The following EVI2A variants were observed in gnomAD, a reference collection of about 807,000 sequenced individuals.
The protein encoded by EVI2A is ecotropic viral integration site 2A, also known as protein EVI2A.
EVI2A carries 11 observed loss-of-function variants against 13.0 expected under a neutral mutation model. The ratio of observed to expected loss-of-function variants is 0.85; its 90% CI spans 0.53 to 1.40. The LOEUF is 1.40. Among genes scored for constraint, EVI2A ranks in the 40% most tolerant of loss-of-function variants. The pLI is 0.00. For synonymous variants in EVI2A, 89 were observed against 98.0 expected (o/e 0.91, Z 0.54); for missense variants, 267 against 279.5 (o/e 0.96, Z 0.32).
Position 31,317,640 on chromosome 17 carries a change from T to C in EVI2A, c.*663A>G, listed in dbSNP as rs1348818814. The C allele has an allele frequency of 1.3e-5, 2 of 152,206 alleles. No homozygotes were observed. Among genetic ancestry groups the C allele is most frequent in the Non-Finnish European group, 2.9e-5 (2 of 68,028 alleles). The allele number at this position is 152,206 out of a possible 1,614,324, so 9.4% of individuals were successfully genotyped here. A position where few individuals can be genotyped will look rare whatever the true frequency, so the allele number is the denominator to read the frequency against. On this transcript the variant is annotated 3_prime_UTR_variant, in exon 2 of 2. Coordinates refer to ENST00000462804, the MANE Select transcript of EVI2A (RefSeq NM_014210.4). The stretch of plus-strand genomic sequence containing the variant: ...CTTTACAATGTGTTCTCTAAAGTAA[T>C]AAAGTGAATGCAAATATACGTGGTC...
At position 31,316,718 on chromosome 17, in the gene EVI2A, G is replaced by A. The variant is rs144240294; in HGVS notation, c.*1585C>T. Among the ~76,000 whole-genome samples, 83 of 152,106 alleles carry A rather than the reference G, an allele frequency of 5.5e-4. No homozygotes were observed. The highest frequency in any genetic ancestry group is 1.8e-3 in the African/African-American group (76 of 41,472). ...TAACCTGATTTCAGTCACCATGACT[G>A]GCATGAATATTCTCATGCTTTCCTT... On this transcript the variant is annotated 3_prime_UTR_variant, in exon 2 of 2. Transcript: ENST00000462804.
In EVI2A at chr17:31,318,130, C is replaced by T; in HGVS notation, c.*173G>A. On this transcript the variant is annotated 3_prime_UTR_variant, in exon 2 of 2. Coordinates refer to ENST00000462804, the MANE Select transcript of EVI2A (RefSeq NM_014210.4). ...TATTCAGTGTCAAAACAAAAGTACA[C>T]AGTTTAAATAATTAAGCAGGCATAC... 1 of 717,152 alleles carries T rather than the reference C, an allele frequency of 1.4e-6. No homozygotes were observed. The highest frequency in any genetic ancestry group is 2.5e-5 in the South Asian group (1 of 40,020). 44.4% of individuals were successfully genotyped at this position (717,152 alleles called of 1,614,324 possible).
At position 31,318,429 on chromosome 17, in the gene EVI2A, A is replaced by G; in HGVS notation, c.585T>C (p.Thr195=). The change falls in exon 2 of 2, where the codon ACT becomes ACC. Residue 195 remains threonine (T), a synonymous_variant. Transcript: ENST00000462804. ...CTGTGAGCTGTTTTGTTCTTTTCCA[A>G]GTGTCTGATTCAGCGGGCCATAGAC... ...ASGLWPAESD[T]WKRTKQLTGP... is the part of the protein sequence containing the mutation. 2 of 1,613,922 alleles carry G rather than the reference A, an allele frequency of 1.2e-6. No individual in the cohort carries two copies. The highest frequency in any genetic ancestry group is 1.7e-6 in the Non-Finnish European group (2 of 1,179,982).
chr17:31,319,882 A>T (rs1891969431), intron 1 of EVI2A, among the ~76,000 whole-genome samples: 1 of 152,108 alleles, frequency 6.6e-6, no homozygotes, highest in Admixed American at 6.6e-5. Context: ...TTGTAAAAAA[A>T]AATGTGTAAT....
At chr17:31,320,449 AG>A (rs1343706165) in intron 1 of EVI2A, 1 of 1,608,996 alleles carries the variant, frequency 6.2e-7, no homozygotes, top group Non-Finnish European at 8.5e-7. Flanking sequence ...ACTGCTAGTC[AG>A]GCTTTTGAAC....
rs762664536 is a variant in EVI2A at position 31,318,470 on chromosome 17, C to T, written c.544G>A (p.Asp182Asn). 6 of 1,614,002 alleles carry T rather than the reference C, an allele frequency of 3.7e-6. No homozygotes were observed. Among genetic ancestry groups the T allele is most frequent in the East Asian group, 2.2e-5 (1 of 44,858 alleles). Residue 182 changes from aspartate (D) to asparagine (N), a missense_variant, in exon 2 of 2, where the codon GAT becomes AAT. By Grantham distance (23) the Asp-to-Asn change is conservative. Coordinates refer to ENST00000462804, the MANE Select transcript of EVI2A (RefSeq NM_014210.4). ...VGKRQPRSNG[D>N]FLASGLWPAE... ...GGCCATAGACCGCTTGCCAGAAAAT[C>T]GCCATTGCTTCTAGGCTGACGCTTG...
At chr17:31,319,724 C>G (rs914651699) in intron 1 of EVI2A, among the ~76,000 whole-genome samples, 4 of 142,214 alleles carry the variant, frequency 2.8e-5, no homozygotes, top group African/African-American at 1.0e-4. Flanking sequence ...AAGGCAAAGG[C>G]ATACCAGTTT....
At position 31,319,941 on chromosome 17, in the gene EVI2A, A is replaced by G. The variant is rs2151529246; in HGVS notation, c.-10-918T>C. Among the ~76,000 whole-genome samples, 4 of 152,240 alleles carry G rather than the reference A, an allele frequency of 2.6e-5. 1 individual carries two copies. The Middle Eastern group carries it at 0.014, about 518-fold the overall frequency. Reference sequence around the variant, plus strand: ...TCTTGATGATTTGGGATGAAGTGGCAGGTTATAAGCATCTCAACAGATAAT... The same window carrying G: ...TCTTGATGATTTGGGATGAAGTGGCGGGTTATAAGCATCTCAACAGATAAT... On this transcript the variant is annotated intron_variant, in intron 1 of 1. Coordinates refer to ENST00000462804, the MANE Select transcript of EVI2A (RefSeq NM_014210.4).
In EVI2A at chr17:31,317,867, C is replaced by G. The variant is rs1046281979; in HGVS notation, c.*436G>C. The G allele has an allele frequency of 6.2e-6, 1 of 162,476 alleles. No homozygotes were observed. The highest frequency in any genetic ancestry group is 1.3e-5 in the Non-Finnish European group (1 of 74,582). The allele number at this position is 162,476 out of a possible 1,614,324, so 10.1% of individuals were successfully genotyped here. ...CCATTAAATTACACAGTTTAGCTCTCTCTATCTATGCATTAGGAATTTGAC... is the reference window on the plus strand; with the variant it reads ...CCATTAAATTACACAGTTTAGCTCTGTCTATCTATGCATTAGGAATTTGAC... On this transcript the variant is annotated 3_prime_UTR_variant, in exon 2 of 2. Coordinates refer to ENST00000462804, the MANE Select transcript of EVI2A (RefSeq NM_014210.4).
intron 1 of EVI2A, among the ~76,000 whole-genome samples, chr17:31,319,245 G>A (rs2069114399): frequency 6.6e-6 from 1 of 152,140 alleles, no homozygotes; most frequent in South Asian, 2.1e-4. Context: ...CTAGAAGTTA[G>A]CATTACAAAT....
In EVI2A at chr17:31,318,141, A is replaced by T; in HGVS notation, c.*162T>A. The T allele has an allele frequency of 2.5e-6, 2 of 798,740 alleles. No individual in the cohort carries two copies. The highest frequency in any genetic ancestry group is 3.8e-6 in the Non-Finnish European group (2 of 522,472). 49.5% of individuals were successfully genotyped at this position (798,740 alleles called of 1,614,324 possible). ...AAAACAAAAGTACACAGTTTAAATAATTAAGCAGGCATACTTCTCCCTGTC... is the reference window on the plus strand; with the variant it reads ...AAAACAAAAGTACACAGTTTAAATATTTAAGCAGGCATACTTCTCCCTGTC... On this transcript the variant is annotated 3_prime_UTR_variant, in exon 2 of 2. Transcript: ENST00000462804.
In EVI2A at chr17:31,318,954, T is replaced by C. The variant is rs1388250932; in HGVS notation, c.60A>G (p.Thr20=). 3 of 1,613,484 alleles carry C rather than the reference T, an allele frequency of 1.9e-6. No individual in the cohort carries two copies. Among genetic ancestry groups the C allele is most frequent in the Admixed American group, 1.7e-5 (1 of 59,994 alleles). Residue 20 remains threonine (T), a synonymous_variant, in exon 2 of 2, where the codon ACA becomes ACG. Transcript: ENST00000462804. ...TTGTTCCAGGAGACAAAGAAAAAAC[T>C]GTTGTCATCAGAAAGGCAAGATGTA... ...HYLHLAFLMT[T]VFSLSPGTKA...
rs571666003 is a variant in EVI2A at position 31,318,875 on chromosome 17, T to C, written c.139A>G (p.Ile47Val). The C allele has an allele frequency of 2.5e-6, 4 of 1,614,114 alleles. No individual in the cohort carries two copies. Among genetic ancestry groups the C allele is most frequent in the Admixed American group, 3.3e-5 (2 of 60,022 alleles). ...TGGTTTCTGCCTGTCTTGTTTTGAA[T>C]AACTGAATCCCAGGAAGAAGTACTG... is the stretch of plus-strand genomic sequence containing the variant. ...ANSTSSWDSVIQNKTGRNQNE... is the reference protein window; with the variant it reads ...ANSTSSWDSVVQNKTGRNQNE... Residue 47 changes from isoleucine to valine, a missense_variant, in exon 2 of 2, where the codon ATT becomes GTT. Ile to Val is a conservative substitution (Grantham distance 29). Transcript: ENST00000462804.
rs1597816677 is a variant in EVI2A at position 31,317,126 on chromosome 17, A to T, written c.*1177T>A. ...GAAAAAACATATAAAAAATATTTTTAAAATGGTTACTATATTGCCCGAAAT... is the reference window on the plus strand; with the variant it reads ...GAAAAAACATATAAAAAATATTTTTTAAATGGTTACTATATTGCCCGAAAT... On this transcript the variant is annotated 3_prime_UTR_variant, in exon 2 of 2. Coordinates refer to ENST00000462804, the MANE Select transcript of EVI2A (RefSeq NM_014210.4). Among the ~76,000 whole-genome samples the T allele has an allele frequency of 6.6e-6, 1 of 152,182 alleles. No individual in the cohort carries two copies. The highest frequency in any genetic ancestry group is 1.9e-4 in the East Asian group (1 of 5,202).
At chr17:31,321,448 C>T (rs187896923) in intron 1 of EVI2A, 47 bp downstream of exon 1, 5 of 152,026 alleles carry the variant, frequency 3.3e-5, no homozygotes, top group Admixed American at 1.3e-4. Flanking sequence ...ATCTGTCAGA[C>T]GTTAGAAGTG....
chr17:31,319,120 T>TTG, intron 1 of EVI2A, 97 bp from the exon 2 acceptor site: 2 of 1,295,482 alleles, frequency 1.5e-6, no homozygotes, highest in Non-Finnish European at 2.1e-6. Flanking sequence ...ATGTTACAAG[T>TTG]AAACTACAAG....
At position 31,317,434 on chromosome 17, in the gene EVI2A, C is replaced by T. The variant is rs2069052635; in HGVS notation, c.*869G>A. 1 of 151,116 alleles carries T rather than the reference C, an allele frequency of 6.6e-6. No homozygotes were observed. The highest frequency in any genetic ancestry group is 2.4e-5 in the African/African-American group (1 of 41,092). 9.4% of individuals were successfully genotyped at this position (151,116 alleles called of 1,614,324 possible). A position where few individuals can be genotyped will look rare whatever the true frequency, so the allele number is the denominator to read the frequency against. On this transcript the variant is annotated 3_prime_UTR_variant, in exon 2 of 2. Transcript: ENST00000462804. Reference sequence around the variant, plus strand: ...AATAAATCATTAGGCTACTTGGCATCCTTGAAGTCCAAAAATTAATCAACC... The same window carrying T: ...AATAAATCATTAGGCTACTTGGCATTCTTGAAGTCCAAAAATTAATCAACC...
At chr17:31,319,309 T>G (rs1450474185) in intron 1 of EVI2A, among the ~76,000 whole-genome samples, 1 of 152,070 alleles carries the variant, frequency 6.6e-6, no homozygotes, top group Non-Finnish European at 1.5e-5. Context: ...TTTCTTCCTT[T>G]GAAGCGTGCT....
chr17:31,319,412 T>G (rs1044989390), intron 1 of EVI2A, among the ~76,000 whole-genome samples: 2 of 151,934 alleles, frequency 1.3e-5, no homozygotes, highest in Non-Finnish European at 2.9e-5. Context: ...TTACAGAAAC[T>G]ACCCACCCTC....
Sources: gnomAD v4.1 joint callset for allele counts (sites outside exome capture counted in the v4.1 genomes callset) on GRCh38, gnomAD v4.1.1 for gene constraint, MANE v1.5 for transcripts, NCBI Gene and HGNC (gene_info 2026-07-23, HGNC 2026-07-21) for gene names.